The following PIN1 variants were observed in gnomAD, a reference collection of about 807,000 sequenced individuals.
The protein encoded by PIN1 is peptidylprolyl cis/trans isomerase, NIMA-interacting 1, also known as peptidyl-prolyl cis-trans isomerase NIMA-interacting 1.
Under a neutral mutation model 19.9 loss-of-function variants are expected in PIN1, and 8 were observed. That is an observed-to-expected ratio of 0.40 (90% CI 0.24 to 0.72). PIN1 has a LOEUF of 0.72. Among genes scored for constraint, PIN1 ranks in the 30% least tolerant of loss-of-function variants. The probability of loss-of-function intolerance (pLI) is 0.37; values close to 1 mark genes in which losing one functional copy is unlikely to be tolerated. For synonymous variants in PIN1, 86 were observed against 90.8 expected (o/e 0.95, Z 0.30); for missense variants, 185 against 226.5 (o/e 0.82, Z 1.18).
At chr19:9,843,277 G>C (rs1315623678) in intron 2 of PIN1, among the ~76,000 whole-genome samples, 1 of 152,270 alleles carries the variant, frequency 6.6e-6, no homozygotes, top group African/African-American at 2.4e-5. Context: ...CTTCCAGCCT[G>C]CTGGCCTTGG....
chr19:9,835,465 G>C (rs2046092943), intron 1 of PIN1, 63 bp downstream of exon 1: 2 of 1,170,600 alleles, frequency 1.7e-6, no homozygotes, highest in South Asian at 3.7e-5. Context: ...GCTCGAGCTC[G>C]CCCCTTGGGC....
rs779165253 is a variant in PIN1 at position 9,835,327 on chromosome 19, G to C, written c.-18G>C. ...GCGGCGCAGCTGAGGCGGAGCAGGCGCTGCGGCAGGAGGGAAGATGGCGGA... is the reference window on the plus strand; with the variant it reads ...GCGGCGCAGCTGAGGCGGAGCAGGCCCTGCGGCAGGAGGGAAGATGGCGGA... On this transcript the variant is annotated 5_prime_UTR_variant, in exon 1 of 4. Coordinates refer to ENST00000247970, the MANE Select transcript of PIN1 (RefSeq NM_006221.4). 1.4e-5 allele frequency: 22 copies of C among 1,524,294 alleles called. No individual in the cohort carries two copies. In the South Asian group the frequency reaches 1.6e-4, roughly 11 times the overall value. The allele number at this position is 1,524,294 out of a possible 1,614,324, so 94.4% of individuals were successfully genotyped here. A position where few individuals can be genotyped will look rare whatever the true frequency, so the allele number is the denominator to read the frequency against.
At chr19:9,840,830 C>T (rs1398937232) in intron 2 of PIN1, among the ~76,000 whole-genome samples, 7 of 152,182 alleles carry the variant, frequency 4.6e-5, no homozygotes, top group Non-Finnish European at 7.3e-5. Flanking sequence ...CTCCTGGCCT[C>T]AAGTGATCCT....
chr19:9,839,213 C>G (rs1210091925), intron 2 of PIN1, among the ~76,000 whole-genome samples: 1 of 152,050 alleles, frequency 6.6e-6, no homozygotes, highest in Non-Finnish European at 1.5e-5. Flanking sequence ...GAGGGCAGAT[C>G]ACCTGAGGTC....
Position 9,846,074 on chromosome 19 carries a change from G to T in PIN1, c.272-1956G>T, listed in dbSNP as rs561586914. Among the ~76,000 whole-genome samples, 3 of 152,284 alleles carry T rather than the reference G, an allele frequency of 2.0e-5. No individual in the cohort carries two copies. The highest frequency in any genetic ancestry group is 7.2e-5 in the African/African-American group (3 of 41,558). On this transcript the variant is annotated intron_variant, in intron 2 of 3. Coordinates refer to ENST00000247970, the MANE Select transcript of PIN1 (RefSeq NM_006221.4). This position sits in a 1 kb window ranked among gnomAD's most constrained non-coding sequence, Gnocchi z 5.9. Reference sequence around the variant, plus strand: ...TTCAGGGAGAGGAGGGGTGGGAGGGGGTCCTAGCAACATCTGGTTTAAGTC... The same window carrying T: ...TTCAGGGAGAGGAGGGGTGGGAGGGTGTCCTAGCAACATCTGGTTTAAGTC...
chr19:9,837,912 G>A (rs1247211460), intron 1 of PIN1: 1 of 174,920 alleles, frequency 5.7e-6, no homozygotes, highest in African/African-American at 2.4e-5. Context: ...TGGGATTACA[G>A]GTGAGAGCCA....
In PIN1 at chr19:9,838,375, G is replaced by T; in HGVS notation, c.59-61G>T. The T allele has an allele frequency of 7.2e-7, 1 of 1,385,372 alleles. No homozygotes were observed. The highest frequency in any genetic ancestry group is 1.2e-5 in the South Asian group (1 of 80,760). The allele number at this position is 1,385,372 out of a possible 1,614,324, so 85.8% of individuals were successfully genotyped here. A position where few individuals can be genotyped will look rare whatever the true frequency, so the allele number is the denominator to read the frequency against. On this transcript the variant is annotated intron_variant, in intron 1 of 3. Transcript: ENST00000247970. This position sits in a 1 kb window ranked among gnomAD's most constrained non-coding sequence, Gnocchi z 5.8. ...GGCCCTCACCCTGGCTTCTGGCTGT[G>T]GGCCCAGGGGTGTCCTGGGAGCACA...
chr19:9,849,225 G>A lies in PIN1; in HGVS notation c.*26G>A, dbSNP rs373192122. The A allele has an allele frequency of 5.4e-5, 83 of 1,526,686 alleles. No individual in the cohort carries two copies. Among genetic ancestry groups the A allele is most frequent in the South Asian group, 1.4e-4 (12 of 87,636 alleles). The allele number at this position is 1,526,686 out of a possible 1,614,324, so 94.6% of individuals were successfully genotyped here. A position where few individuals can be genotyped will look rare whatever the true frequency, so the allele number is the denominator to read the frequency against. On this transcript the variant is annotated 3_prime_UTR_variant, in exon 4 of 4. Coordinates refer to ENST00000247970, the MANE Select transcript of PIN1 (RefSeq NM_006221.4). The stretch of plus-strand genomic sequence containing the variant: ...GGGTGGGGAGCCCAGGCCTGGCCTC[G>A]GGGCAGGGCAGGGCGGCTAGGCCGG...
chr19:9,835,876 C>G (rs2046098285), intron 1 of PIN1: 1 of 161,850 alleles, frequency 6.2e-6, no homozygotes, highest in African/African-American at 2.4e-5. Context: ...CCGTGACATT[C>G]TGCCAGACGA....
chr19:9,845,022 G>A (rs886454269), intron 2 of PIN1, among the ~76,000 whole-genome samples: 6 of 152,146 alleles, frequency 3.9e-5, no homozygotes, highest in African/African-American at 1.2e-4. Flanking sequence ...AGCACCCAGG[G>A]GGAGGCACCT....
chr19:9,848,962 T>C (rs1374506763), intron 3 of PIN1, 128 bp from the exon 4 acceptor site: 2 of 654,154 alleles, frequency 3.1e-6, no homozygotes, highest in Non-Finnish European at 5.5e-6. Flanking sequence ...TGGTGACGGA[T>C]GAGTGTGGAC....
intron 2 of PIN1, among the ~76,000 whole-genome samples, chr19:9,842,724 C>T (rs558871978): frequency 2.6e-5 from 4 of 152,342 alleles, no homozygotes; most frequent in East Asian, 1.9e-4. Flanking sequence ...GGCCGAGGTA[C>T]ACTCGGTAAC....
rs890171351 is a variant in PIN1 at position 9,848,933 on chromosome 19, T to C, written c.383-157T>C. ...CTGCCACCCCCAGCTGGGCCGCCGC[T>C]CAGCACTGGCAATAAACATGGTGAC... On this transcript the variant is annotated intron_variant, in intron 3 of 3. Coordinates refer to ENST00000247970, the MANE Select transcript of PIN1 (RefSeq NM_006221.4). Among the ~76,000 whole-genome samples the C allele has an allele frequency of 1.1e-4, 17 of 152,212 alleles. 1 individual carries two copies. Among genetic ancestry groups the C allele is most frequent in the African/African-American group, 2.9e-4 (12 of 41,540 alleles).
chr19:9,835,498 C>T, intron 1 of PIN1, 96 bp downstream of exon 1: 1 of 823,472 alleles, frequency 1.2e-6, no homozygotes, highest in Non-Finnish European at 1.7e-6. Context: ...CTGCCTCCCT[C>T]CCATGGGGTC....
rs528161225 is a variant in PIN1, at chr19:9,842,102, C to A, written c.271+3454C>A. ...GCAGATTCTGGAATGTCAGCAGGAG[C>A]CTTGCCTGCCCACCTGGTGGAAGCT... On this transcript the variant is annotated intron_variant, in intron 2 of 3. Transcript: ENST00000247970. Among the ~76,000 whole-genome samples, 152 of 152,270 alleles carry A rather than the reference C, an allele frequency of 1.0e-3. 1 individual carries two copies. The highest frequency in any genetic ancestry group is 1.8e-3 in the Non-Finnish European group (124 of 68,012).
intron 2 of PIN1, among the ~76,000 whole-genome samples, chr19:9,844,098 G>T (rs757181093): frequency 3.3e-5 from 5 of 152,036 alleles, no homozygotes; most frequent in Non-Finnish European, 7.4e-5. Flanking sequence ...CCACCCTTAT[G>T]ACCTCATTTA....
intron 1 of PIN1, chr19:9,836,382 A>G (rs1279773062): frequency 6.1e-6 from 1 of 164,278 alleles, no homozygotes. Context: ...CAGGGAGATT[A>G]GAGCCCATTG....
chr19:9,835,710 G>A (rs1599446369), intron 1 of PIN1: 2 of 414,590 alleles, frequency 4.8e-6, no homozygotes, highest in South Asian at 4.6e-5. Context: ...CACCCCGGGG[G>A]ACGTCTCTGC....
At chr19:9,839,811 G>A (rs2046146543) in intron 2 of PIN1, among the ~76,000 whole-genome samples, 1 of 152,006 alleles carries the variant, frequency 6.6e-6, no homozygotes, top group African/African-American at 2.4e-5. Flanking sequence ...GACCAGCTTG[G>A]GCAACATAGC....
Sources: allele counts gnomAD v4.1 joint callset (sites outside exome capture counted in the v4.1 genomes callset), GRCh38; gene constraint gnomAD v4.1.1; non-coding constraint Gnocchi (gnomAD v3.1); transcripts MANE v1.5; gene names NCBI Gene and HGNC (gene_info 2026-07-23, HGNC 2026-07-21).